Variants in DAB2IP observed in about 807,000 individuals in gnomAD.
DAB2IP encodes the protein disabled homolog 2-interacting protein.
In DAB2IP, 28 loss-of-function variants were observed where a neutral mutation model predicts 107.2. The ratio of observed to expected loss-of-function variants is 0.26; its 90% CI spans 0.19 to 0.36. The LOEUF (loss-of-function observed/expected upper bound fraction) is 0.36. DAB2IP is among the 10% of genes least tolerant of loss of function. DAB2IP has a pLI of 1.00. For synonymous variants in DAB2IP, 755 were observed against 706.4 expected, an observed-to-expected ratio of 1.07 and a Z score of -1.09; for missense variants, 1,400 against 1,644.7, an observed-to-expected ratio of 0.85 and a Z score of 2.57.
intron 1 of DAB2IP, among the ~76,000 whole-genome samples, chr9:121,578,844 T>G (rs1436673747): frequency 2.1e-5 from 3 of 144,104 alleles, no homozygotes; most frequent in African/African-American, 7.7e-5. Context: ...AGGTTCAAGC[T>G]ATTCTCCTGC....
At chr9:121,733,167 C>T (rs1259585373) in intron 3 of DAB2IP, among the ~76,000 whole-genome samples, 1 of 152,222 alleles carries the variant, frequency 6.6e-6, no homozygotes, top group Non-Finnish European at 1.5e-5. Flanking sequence ...GACTTTGCTA[C>T]AGGGCATCCG....
At chr9:121,755,369 C>T (rs1272461564) in intron 3 of DAB2IP, among the ~76,000 whole-genome samples, 1 of 152,216 alleles carries the variant, frequency 6.6e-6, no homozygotes, top group African/African-American at 2.4e-5. Context: ...AACGGGAAGC[C>T]CCAGGTGGGA....
chr9:121,642,654 C>G (rs916694823), intron 1 of DAB2IP, among the ~76,000 whole-genome samples: 1 of 150,984 alleles, frequency 6.6e-6, no homozygotes, highest in African/African-American at 2.4e-5. Flanking sequence ...GCTTTGAGCC[C>G]AGCTCCCTTC....
intron 3 of DAB2IP, among the ~76,000 whole-genome samples, chr9:121,728,594 A>G (rs556323827): frequency 1.5e-5 from 2 of 130,866 alleles, no homozygotes; most frequent in East Asian, 3.9e-4. Context: ...AAGAATACAT[A>G]CCCAACCCTC....
At chr9:121,747,207 T>A (rs1170408708) in intron 3 of DAB2IP, among the ~76,000 whole-genome samples, 1 of 152,036 alleles carries the variant, frequency 6.6e-6, no homozygotes, top group Non-Finnish European at 1.5e-5. Flanking sequence ...AGGCTAAGCC[T>A]GATAGTTTTT....
rs559048616 is a variant in DAB2IP, at chr9:121,737,771, C to T, written c.363-19242C>T. The T allele has an allele frequency of 4.9e-5, 48 of 985,390 alleles. 1 individual carries two copies. The East Asian group carries it at 2.7e-3, about 56-fold the overall frequency. 61.0% of individuals were successfully genotyped at this position (985,390 alleles called of 1,614,324 possible). A position where few individuals can be genotyped will look rare whatever the true frequency, so the allele number is the denominator to read the frequency against. ...AGACACCACAAGGAAACTTCCTCCC[C>T]GGTGGGTGGGTCTCCAGCCAGGTAT... On this transcript the variant is annotated intron_variant, in intron 3 of 15. Coordinates refer to ENST00000408936, the Ensembl canonical transcript of DAB2IP.
At position 121,699,350 on chromosome 9, in the gene DAB2IP, G is replaced by A; in HGVS notation, c.254G>A (p.Gly85Asp). 2 of 1,475,622 alleles carry A rather than the reference G, an allele frequency of 1.4e-6. No individual in the cohort carries two copies. Among genetic ancestry groups the A allele is most frequent in the Non-Finnish European group, 1.8e-6 (2 of 1,102,900 alleles). 91.4% of individuals were successfully genotyped at this position (1,475,622 alleles called of 1,614,324 possible). A position where few individuals can be genotyped will look rare whatever the true frequency, so the allele number is the denominator to read the frequency against. ...GGCTTCCTCAGCCGCCGCCTCAAGG[G>A]CTCCATCAAGCGCACCAAGAGCCAG... Residue 85 changes from glycine to aspartate, a missense_variant, in exon 3 of 16, where the codon GGC becomes GAC. By Grantham distance (94) the Gly-to-Asp change is moderately conservative. This residue lies in a region of DAB2IP where 283 missense variants were observed against 237.0 expected (regional missense o/e 1.19). Transcript: ENST00000408936. The surrounding 1 kb of genome is among the most constrained non-coding windows in gnomAD (Gnocchi z 6.2).
At chr9:121,774,374 A>G (rs772872736) in exon 13 of DAB2IP, 1 of 1,612,660 alleles carries the variant, frequency 6.2e-7, no homozygotes, top group Non-Finnish European at 8.5e-7. Context: ...CCACAGGGAT[A>G]GGCTAAGGAG....
At chr9:121,737,364 C>G in intron 3 of DAB2IP, 1 of 985,468 alleles carries the variant, frequency 1.0e-6, no homozygotes, top group African/African-American at 1.7e-5. Flanking sequence ...TAGATGTTGT[C>G]ATCACTGTGT....
chr9:121,753,448 GGCAGCAGAGAGGGACTTGA>G (rs1241831538), intron 3 of DAB2IP, among the ~76,000 whole-genome samples: 1 of 152,208 alleles, frequency 6.6e-6, no homozygotes, highest in African/African-American at 2.4e-5. Context: ...CCCAGCCTTG[GGCAGCAGAGAGGGACTTGA>G]CCCAGGGCTG....
chr9:121,724,325 A>G (rs1831104456), intron 3 of DAB2IP, among the ~76,000 whole-genome samples: 1 of 149,504 alleles, frequency 6.7e-6, no homozygotes, highest in Admixed American at 6.7e-5. Context: ...TCCAGCATAC[A>G]TCTTTGTCCT....
At chr9:121,667,724 C>A (rs960482952) in intron 1 of DAB2IP, among the ~76,000 whole-genome samples, 4 of 152,034 alleles carry the variant, frequency 2.6e-5, no homozygotes, top group Admixed American at 6.5e-5. Context: ...TCTTGAACTC[C>A]TGACCTCAAG....
At chr9:121,667,500 CT>C (rs1200475490) in intron 1 of DAB2IP, among the ~76,000 whole-genome samples, 1 of 151,424 alleles carries the variant, frequency 6.6e-6, no homozygotes, top group Non-Finnish European at 1.5e-5. Context: ...CTTTCTTTTT[CT>C]TTTTTTTAGA....
At chr9:121,757,055 G>C in exon 4 of DAB2IP, 1 of 1,614,224 alleles carries the variant, frequency 6.2e-7, no homozygotes, top group Non-Finnish European at 8.5e-7. Flanking sequence ...GCTCCCACGA[G>C]TCCCTGCTCA....
In DAB2IP at chr9:121,684,358, C is replaced by T. The variant is rs76147130; in HGVS notation, c.228+5577C>T. 0.017 allele frequency among the ~76,000 whole-genome samples: 2,663 copies of T among 152,218 alleles called. 60 individuals are homozygous for T. Among genetic ancestry groups the T allele is most frequent in the East Asian group, 0.12 (615 of 5,162 alleles). ...AGCCCAGGTCTCTGTCCCTCTCCCC[C>T]GCATCCAGTGGTCCTCACCCCTTAC... is the stretch of plus-strand genomic sequence containing the variant. On this transcript the variant is annotated intron_variant, in intron 2 of 15. Transcript: ENST00000408936. This position sits in a 1 kb window ranked among gnomAD's most constrained non-coding sequence, Gnocchi z 4.0.
At chr9:121,651,530 C>A, upstream of DAB2IP, 1 of 435,142 alleles carries the variant, frequency 2.3e-6, no homozygotes, top group Non-Finnish European at 3.1e-6. This position sits in a 1 kb window ranked among gnomAD's most constrained non-coding sequence, Gnocchi z 5.1. Context: ...CCCGCACTGA[C>A]TTTCCGGGCC....
rs1834664185 is a variant in DAB2IP at position 121,770,782 on chromosome 9, C to T, written c.2078+58C>T. 6 of 1,579,014 alleles carry T rather than the reference C, an allele frequency of 3.8e-6. No individual in the cohort carries two copies. In the African/African-American group the frequency reaches 4.0e-5, roughly 11 times the overall value. ...GTGCGTGTGCAGACTAGGCACAGCC[C>T]ATCTGTAATCTCAGATGGGGAAAGA... On this transcript the variant is annotated intron_variant, in intron 11 of 15. Coordinates refer to ENST00000408936, the Ensembl canonical transcript of DAB2IP.
In DAB2IP at chr9:121,701,269, C is replaced by T. The variant is rs904280201; in HGVS notation, c.362+1811C>T. On this transcript the variant is annotated intron_variant, in intron 3 of 15. Coordinates refer to ENST00000408936, the Ensembl canonical transcript of DAB2IP. This position sits in a 1 kb window ranked among gnomAD's most constrained non-coding sequence, Gnocchi z 4.7. ...CGGGAAGCCTGTACCTAGAAGCCGG[C>T]AAGTGCTGGCTGGCCACCCTAGCCA... 6.6e-6 allele frequency among the ~76,000 whole-genome samples: 1 copy of T among 152,202 alleles called. No individual in the cohort carries two copies. Among genetic ancestry groups the T allele is most frequent in the Non-Finnish European group, 1.5e-5 (1 of 68,042 alleles).
chr9:121,710,070 G>T (rs995386534), intron 3 of DAB2IP, among the ~76,000 whole-genome samples: 10 of 152,190 alleles, frequency 6.6e-5, no homozygotes, highest in African/African-American at 2.4e-4. Flanking sequence ...GCCAGAAATG[G>T]CAGAGCTGGG....
Sources: gnomAD v4.1 joint callset for allele counts (sites outside exome capture counted in the v4.1 genomes callset) on GRCh38, gnomAD v4.1.1 for gene constraint, gnomAD v4.1.1 regional missense constraint, Gnocchi (gnomAD v3.1) non-coding constraint, MANE v1.5 for transcripts, NCBI Gene and HGNC (gene_info 2026-07-23, HGNC 2026-07-21) for gene names.